The following SV2C variants were observed in gnomAD, a reference collection of about 807,000 sequenced individuals.
SV2C encodes synaptic vesicle glycoprotein 2C.
SV2C carries 49 observed loss-of-function variants against 79.7 expected under a neutral mutation model. The observed-to-expected ratio is 0.61, with a 90% confidence interval of 0.49 to 0.78. The LOEUF is 0.78. SV2C is among the 30% of genes least tolerant of loss of function. The probability of loss-of-function intolerance (pLI) is 0.00; values close to 1 mark genes in which losing one functional copy is unlikely to be tolerated. For missense variants in SV2C, 833 were observed against 912.9 expected (o/e 0.91, Z 1.13); for synonymous variants, 334 against 333.2 (o/e 1.00, Z -0.03).
intron 4 of SV2C, among the ~76,000 whole-genome samples, chr5:76,242,617 C>T (rs1745822918): frequency 1.3e-5 from 2 of 152,132 alleles, no homozygotes. Flanking sequence ...AAACAAAATG[C>T]TGCGAGGTCA....
intron 1 of SV2C, among the ~76,000 whole-genome samples, chr5:76,088,826 T>C (rs1485420651): frequency 6.6e-6 from 1 of 152,182 alleles, no homozygotes; most frequent in Non-Finnish European, 1.5e-5. Context: ...TTTTCATTAA[T>C]GCCAGTCCCC....
At chr5:75,857,034 G>A in the SV2C span, among the ~76,000 whole-genome samples, 1 of 146,018 alleles carries the variant, frequency 6.8e-6, no homozygotes, top group Non-Finnish European at 1.5e-5. Context: ...TTGGGTCACT[G>A]CAACCTCTGC....
At chr5:76,258,321 A>C (rs1042132987) in intron 4 of SV2C, among the ~76,000 whole-genome samples, 11 of 152,066 alleles carry the variant, frequency 7.2e-5, no homozygotes, top group Non-Finnish European at 1.6e-4. Flanking sequence ...GGACATGGGC[A>C]GGGGGCAACT....
chr5:76,065,468 A>G, the SV2C span, among the ~76,000 whole-genome samples: 1 of 152,210 alleles, frequency 6.6e-6, no homozygotes, highest in East Asian at 1.9e-4. Context: ...CACACTAAGC[A>G]CAGTGATTAC....
At chr5:76,148,001 C>T (rs141222150) in intron 2 of SV2C, among the ~76,000 whole-genome samples, 2 of 151,974 alleles carry the variant, frequency 1.3e-5, no homozygotes, top group Admixed American at 1.3e-4. Flanking sequence ...CTAATTCATT[C>T]TTTGATGTTT....
chr5:76,022,223 A>G, the SV2C span, among the ~76,000 whole-genome samples: 4 of 152,192 alleles, frequency 2.6e-5, no homozygotes, highest in African/African-American at 7.2e-5. Flanking sequence ...TGGTGCATCA[A>G]CAGATGCCCT....
In SV2C at chr5:76,093,315, G is replaced by C. The variant is rs140353763; in HGVS notation, c.-102+9803G>C. ...TTCCATTGTTCCCTGCGCAAGGTCT[G>C]AGAAGCTGCTTGGCAGAGTCTTGCT... On this transcript the variant is annotated intron_variant, in intron 1 of 12. Transcript: ENST00000502798. 1.1e-4 allele frequency among the ~76,000 whole-genome samples: 17 copies of C among 152,290 alleles called. No individual in the cohort carries two copies. In the East Asian group the frequency reaches 2.1e-3, roughly 19 times the overall value.
At chr5:76,253,610 T>A (rs1252305544) in intron 4 of SV2C, among the ~76,000 whole-genome samples, 1 of 150,076 alleles carries the variant, frequency 6.7e-6, no homozygotes, top group Non-Finnish European at 1.5e-5. Flanking sequence ...TAGATGAGCA[T>A]AAAGTGTGGT....
At chr5:76,090,544 T>C (rs1413755666) in intron 1 of SV2C, among the ~76,000 whole-genome samples, 1 of 152,170 alleles carries the variant, frequency 6.6e-6, no homozygotes, top group Non-Finnish European at 1.5e-5. Context: ...TCATCTAGTG[T>C]GTTCAGACCT....
the SV2C span, among the ~76,000 whole-genome samples, chr5:75,948,489 G>A: frequency 6.6e-6 from 1 of 152,148 alleles, no homozygotes; most frequent in South Asian, 2.1e-4. Flanking sequence ...AAAAGAGTAG[G>A]TAAATATATG....
chr5:76,308,670 C>CAA (rs1171858385), intron 12 of SV2C, among the ~76,000 whole-genome samples: 2 of 136,260 alleles, frequency 1.5e-5, no homozygotes, highest in African/African-American at 5.1e-5. Flanking sequence ...TGTTCGATTC[C>CAA]AAGTCTGAGA....
chr5:76,239,420 T>C (rs1203059945), intron 4 of SV2C, among the ~76,000 whole-genome samples: 1 of 152,222 alleles, frequency 6.6e-6, no homozygotes, highest in African/African-American at 2.4e-5. Context: ...CTTAAAACAA[T>C]AACCATTTAT....
At chr5:76,310,924 C>G (rs935430424) in intron 12 of SV2C, among the ~76,000 whole-genome samples, 3 of 152,324 alleles carry the variant, frequency 2.0e-5, no homozygotes, top group African/African-American at 7.2e-5. Context: ...TACAAAAAAA[C>G]TAGCCTGGAA....
chr5:75,979,963 T>C, the SV2C span, among the ~76,000 whole-genome samples: 1 of 151,962 alleles, frequency 6.6e-6, no homozygotes, highest in African/African-American at 2.4e-5. Flanking sequence ...AAATTAATAA[T>C]ACATAGACTG....
chr5:76,289,600 C>G (rs1747483821), intron 6 of SV2C, among the ~76,000 whole-genome samples: 1 of 152,176 alleles, frequency 6.6e-6, no homozygotes, highest in Non-Finnish European at 1.5e-5. Flanking sequence ...TTCTATTATT[C>G]CACCTCCTAA....
At chr5:76,240,335 A>T (rs1276346200) in intron 4 of SV2C, among the ~76,000 whole-genome samples, 1 of 152,200 alleles carries the variant, frequency 6.6e-6, no homozygotes, top group Admixed American at 6.5e-5. Context: ...CCCTGATATC[A>T]GTGTAGCTGT....
chr5:76,285,782 TTGG>T lies in SV2C; in HGVS notation c.1050_1052del (p.Gly351del), dbSNP rs1443009280. On this transcript the variant is annotated inframe_deletion and splice_region_variant, in exon 6 of 13. Transcript: ENST00000502798. ...TCACTGTCCACTCTCATTTCTTAGG[TTGG>T]AAAACATGATGAAGCTTGGATGATT... 3 of 1,613,562 alleles carry T rather than the reference TTGG, an allele frequency of 1.9e-6. No homozygotes were observed. Among genetic ancestry groups the T allele is most frequent in the Non-Finnish European group, 2.5e-6 (3 of 1,179,818 alleles).
At chr5:76,278,794 T>G (rs1283494131) in intron 4 of SV2C, among the ~76,000 whole-genome samples, 1 of 152,244 alleles carries the variant, frequency 6.6e-6, no homozygotes, top group Admixed American at 6.5e-5. Flanking sequence ...CCAAATGTAC[T>G]CAGAGCTGTG....
intron 4 of SV2C, among the ~76,000 whole-genome samples, chr5:76,234,263 A>C (rs1157683991): frequency 5.3e-5 from 8 of 152,178 alleles, no homozygotes; most frequent in Non-Finnish European, 1.0e-4. Context: ...TGCTGCAACA[A>C]ATTAAGTGTA....
Sources: gnomAD v4.1 joint callset for allele counts (sites outside exome capture counted in the v4.1 genomes callset) on GRCh38, gnomAD v4.1.1 for gene constraint, MANE v1.5 for transcripts, NCBI Gene and HGNC (gene_info 2026-07-23, HGNC 2026-07-21) for gene names.